Variants in MALRD1 observed in about 807,000 individuals in gnomAD.
MALRD1 encodes MAM and LDL receptor class A domain containing 1.
A neutral mutation model predicts 242.1 loss-of-function variants in MALRD1; 247 were observed. That is an observed-to-expected ratio of 1.02 (90% CI 0.92 to 1.13). The LOEUF (loss-of-function observed/expected upper bound fraction) is 1.13, where lower values mean the gene tolerates loss of function less well. MALRD1 is among the 50% of genes most tolerant of loss of function. The pLI is 0.00. For missense variants in MALRD1, 2,989 were observed against 2,533.1 expected (o/e 1.18, Z -3.86); for synonymous variants, 995 against 866.6 (o/e 1.15, Z -2.60).
At chr10:19,372,007 T>C (rs1344586932) in intron 26 of MALRD1, among the ~76,000 whole-genome samples, 6 of 152,186 alleles carry the variant, frequency 3.9e-5, no homozygotes. Flanking sequence ...TGAAGCAATA[T>C]ATTCCAGAAC....
intron 2 of MALRD1, among the ~76,000 whole-genome samples, chr10:19,078,437 T>C (rs1190008345): frequency 6.6e-6 from 1 of 151,932 alleles, no homozygotes; most frequent in Non-Finnish European, 1.5e-5. Context: ...ATTTTTAAAA[T>C]GTGTTGCTTG....
At chr10:19,377,521 G>A (rs2130772652) in intron 26 of MALRD1, among the ~76,000 whole-genome samples, 1 of 152,098 alleles carries the variant, frequency 6.6e-6, no homozygotes, top group South Asian at 2.1e-4. Context: ...TTTTTCATCT[G>A]TAAAATGAGG....
At position 19,287,406 on chromosome 10, in the gene MALRD1, C is replaced by T. The variant is rs540267832; in HGVS notation, c.3419+4225C>T. Among the ~76,000 whole-genome samples, 321 of 152,068 alleles carry T rather than the reference C, an allele frequency of 2.1e-3. 1 individual carries two copies. Among genetic ancestry groups the T allele is most frequent in the African/African-American group, 7.2e-3 (298 of 41,496 alleles). ...CCTATTTCTCTCCCTCCCATCGTTC[C>T]GACTGTGTATATTTATACACAGTTC... On this transcript the variant is annotated intron_variant, in intron 21 of 39. Coordinates refer to ENST00000454679, the MANE Select transcript of MALRD1 (RefSeq NM_001142308.3).
intron 36 of MALRD1, among the ~76,000 whole-genome samples, chr10:19,622,230 T>C (rs2131626090): frequency 6.6e-6 from 1 of 151,698 alleles, no homozygotes; most frequent in East Asian, 1.9e-4. Flanking sequence ...TGAAAAACCC[T>C]AGAGAATTGA....
At chr10:19,238,503 A>ATATTATACATT (rs376375813) in intron 18 of MALRD1, among the ~76,000 whole-genome samples, 12 of 42,164 alleles carry the variant, frequency 2.8e-4, no homozygotes, top group Admixed American at 6.7e-4. Flanking sequence ...TATATAATAT[A>ATATTATACATT]ATATATAATG....
chr10:19,121,043 C>CT (rs71387043), intron 5 of MALRD1, among the ~76,000 whole-genome samples: 10,366 of 106,510 alleles, frequency 0.097, 1,036 homozygotes, highest in African/African-American at 0.12. Flanking sequence ...TGTGCCCGGC[C>CT]TTTTTTTTTT....
chr10:19,637,700 C>T (rs1189742626), intron 36 of MALRD1, among the ~76,000 whole-genome samples: 1 of 152,132 alleles, frequency 6.6e-6, no homozygotes, highest in Non-Finnish European at 1.5e-5. Flanking sequence ...AGTCAGGGCA[C>T]TGGTATGCAG....
chr10:19,711,296 A>G (rs1834101374), intron 38 of MALRD1: 2 of 152,188 alleles, frequency 1.3e-5, no homozygotes. Flanking sequence ...CATCTTTTCA[A>G]AAAAGAAACA....
intron 31 of MALRD1, among the ~76,000 whole-genome samples, chr10:19,506,601 CA>C (rs1833155615): frequency 1.3e-5 from 2 of 151,696 alleles, no homozygotes; most frequent in African/African-American, 4.8e-5. Flanking sequence ...TATATATTTC[CA>C]TATACATGTA....
intron 28 of MALRD1, among the ~76,000 whole-genome samples, chr10:19,443,242 C>A (rs1834771081): frequency 6.6e-6 from 1 of 152,076 alleles, no homozygotes; most frequent in Non-Finnish European, 1.5e-5. Flanking sequence ...AGTGGTCTAT[C>A]AACTTTGTTG....
chr10:19,731,973 A>C (rs1351733774), intron 39 of MALRD1, among the ~76,000 whole-genome samples: 1 of 152,202 alleles, frequency 6.6e-6, no homozygotes, highest in Non-Finnish European at 1.5e-5. Context: ...CTAACAAAGC[A>C]CTTGACTTTT....
chr10:19,645,649 A>G (rs1050279104), intron 36 of MALRD1, among the ~76,000 whole-genome samples: 4 of 151,960 alleles, frequency 2.6e-5, no homozygotes, highest in African/African-American at 7.3e-5. Flanking sequence ...AACACCACAT[A>G]TTCTCACTCA....
chr10:19,609,892 A>C (rs1394758052), intron 35 of MALRD1, among the ~76,000 whole-genome samples: 2 of 151,880 alleles, frequency 1.3e-5, no homozygotes, highest in Admixed American at 6.6e-5. Context: ...TAAAAATGTA[A>C]AATTGTAGGA....
chr10:19,064,263 G>A (rs1350630053), intron 1 of MALRD1, among the ~76,000 whole-genome samples: 2 of 152,156 alleles, frequency 1.3e-5, no homozygotes, highest in Admixed American at 6.5e-5. Context: ...CAACTGTGGC[G>A]TTATTAATTC....
At chr10:19,404,309 G>A (rs1230030590) in intron 28 of MALRD1, among the ~76,000 whole-genome samples, 1 of 151,848 alleles carries the variant, frequency 6.6e-6, no homozygotes, top group Non-Finnish European at 1.5e-5. Flanking sequence ...AAAAAATCTC[G>A]TACAATAATT....
chr10:19,323,594 G>A (rs1303703697), intron 21 of MALRD1, among the ~76,000 whole-genome samples: 2 of 152,126 alleles, frequency 1.3e-5, no homozygotes, highest in Non-Finnish European at 1.5e-5. Context: ...GTGACAAACT[G>A]TACTATGTTT....
At chr10:19,313,893 C>A (rs1485612112) in intron 21 of MALRD1, among the ~76,000 whole-genome samples, 1 of 151,438 alleles carries the variant, frequency 6.6e-6, no homozygotes, top group Non-Finnish European at 1.5e-5. Flanking sequence ...TGGTTAAACC[C>A]TAGGTGGTTC....
At chr10:19,127,185 C>T (rs1189260055) in intron 7 of MALRD1, among the ~76,000 whole-genome samples, 5 of 152,114 alleles carry the variant, frequency 3.3e-5, no homozygotes, top group Non-Finnish European at 5.9e-5. Flanking sequence ...GATTCCATGT[C>T]TTTGCTATTG....
chr10:19,059,635 G>T (rs562694293), intron 1 of MALRD1, among the ~76,000 whole-genome samples: 2 of 152,020 alleles, frequency 1.3e-5, no homozygotes, highest in South Asian at 4.2e-4. Flanking sequence ...CAAGTGATCC[G>T]CCCACTGTGG....
Sources: gnomAD v4.1 joint callset for allele counts (sites outside exome capture counted in the v4.1 genomes callset) on GRCh38, gnomAD v4.1.1 for gene constraint, MANE v1.5 for transcripts, NCBI Gene and HGNC (gene_info 2026-07-23, HGNC 2026-07-21) for gene names.